FBXO21: variants seen among roughly 807,000 people sequenced by gnomAD.
FBXO21 encodes the protein F-box protein 21.
A neutral mutation model predicts 76.6 loss-of-function variants in FBXO21; 32 were observed. That is an observed-to-expected ratio of 0.42 (90% confidence interval 0.32 to 0.56). The LOEUF is 0.56. Ranked by LOEUF, FBXO21 falls within the 20% of genes least tolerant of loss-of-function variation. FBXO21 has a pLI of 0.16. For missense variants in FBXO21, 586 were observed against 797.3 expected, an observed-to-expected ratio of 0.73 and a Z score of 3.19; for synonymous variants, 328 against 311.5, an observed-to-expected ratio of 1.05 and a Z score of -0.56.
chr12:117,148,906 C>G (rs1180783733), intron 11 of FBXO21, among the ~76,000 whole-genome samples: 1 of 152,198 alleles, frequency 6.6e-6, no homozygotes, highest in Non-Finnish European at 1.5e-5. Context: ...TCTGATCTCT[C>G]TACTGTTGTC....
intron 2 of FBXO21, 99 bp from the exon 3 acceptor site, chr12:117,186,670 G>A: frequency 1.7e-5 from 12 of 719,814 alleles, no homozygotes; most frequent in Non-Finnish European, 2.7e-5. Context: ...CACTACTAAA[G>A]ACAGTGCTAA....
chr12:117,174,228 C>A lies in FBXO21; in HGVS notation c.853G>T (p.Ala285Ser). The A allele has an allele frequency of 6.2e-7, 1 of 1,612,736 alleles. No homozygotes were observed. Among genetic ancestry groups the A allele is most frequent in the Non-Finnish European group, 8.5e-7 (1 of 1,178,726 alleles). ...ACCTGATGCATATATAAGTTGAGGGCATTATAGTAATCCATTCGATTCCCC... is the reference window on the plus strand; with the variant it reads ...ACCTGATGCATATATAAGTTGAGGGAATTATAGTAATCCATTCGATTCCCC... Reference protein sequence around the residue: ...FKGNRMDYYNALNLYMHQVLI... With the variant: ...FKGNRMDYYNSLNLYMHQVLI... The change falls in exon 6 of 12, where the codon GCC becomes TCC. Residue 285 changes from alanine to serine, a missense_variant. Physicochemically the swap from Ala to Ser is moderately conservative, Grantham distance 99 (BLOSUM62 1). This residue lies in a region of FBXO21 where 246 missense variants were observed against 356.8 expected (regional missense o/e 0.69). Transcript: ENST00000622495.
intron 11 of FBXO21, among the ~76,000 whole-genome samples, chr12:117,148,914 G>A (rs1254617802): frequency 6.6e-6 from 1 of 152,174 alleles, no homozygotes; most frequent in Non-Finnish European, 1.5e-5. Context: ...CTCTACTGTT[G>A]TCAGGTCTCT....
chr12:117,174,119 A>G, intron 6 of FBXO21, 86 bp downstream of exon 6: 1 of 1,116,794 alleles, frequency 9.0e-7, no homozygotes, highest in Non-Finnish European at 1.3e-6. Flanking sequence ...CCTGAGCAAC[A>G]GAGCGAGACC....
In FBXO21 at chr12:117,190,431, G is replaced by A. The variant is rs754612531; in HGVS notation, c.26C>T (p.Ala9Val). The change falls in exon 1 of 12, where the codon GCG becomes GTG. Residue 9 changes from alanine to valine, a missense_variant. By Grantham distance (64) the Ala-to-Val change is moderately conservative (BLOSUM62 0). Transcript: ENST00000622495. ...CGCCAGCGCCGGCACCACCTCCATC[G>A]CGCTGTCGACTGCTGCCGCCGCCAT... MAAAAVDSAMEVVPALAEE... is the reference protein window; with the variant it reads MAAAAVDSVMEVVPALAEE... The A allele has an allele frequency of 5.6e-6, 8 of 1,440,962 alleles. No homozygotes were observed. The highest frequency in any genetic ancestry group is 5.2e-5 in the South Asian group (4 of 77,610). 89.3% of individuals were successfully genotyped at this position (1,440,962 alleles called of 1,614,324 possible). A position where few individuals can be genotyped will look rare whatever the true frequency, so the allele number is the denominator to read the frequency against.
At position 117,163,536 on chromosome 12, in the gene FBXO21, G is replaced by C. The variant is rs535020396; in HGVS notation, c.1326+1949C>G. On this transcript the variant is annotated intron_variant, in intron 9 of 11. Coordinates refer to ENST00000622495, the MANE Select transcript of FBXO21 (RefSeq NM_015002.3). Reference sequence around the variant, plus strand: ...CAAGAGAGTGAGACTGTCTCAAAAAGAAAGAAACAAAAGAAAAAAGAAAAA... The same window carrying C: ...CAAGAGAGTGAGACTGTCTCAAAAACAAAGAAACAAAAGAAAAAAGAAAAA... Among the ~76,000 whole-genome samples, 31 of 151,484 alleles carry C rather than the reference G, an allele frequency of 2.0e-4. No homozygotes were observed. The South Asian group carries it at 6.3e-3, about 31-fold the overall frequency.
At chr12:117,153,953 C>T (rs1955879885) in intron 11 of FBXO21, among the ~76,000 whole-genome samples, 1 of 152,202 alleles carries the variant, frequency 6.6e-6, no homozygotes, top group Admixed American at 6.5e-5. Flanking sequence ...GTGAACATAT[C>T]ACAACCCCTA....
At chr12:117,156,127 C>T (rs1310209476) in intron 10 of FBXO21, among the ~76,000 whole-genome samples, 179 bp from the exon 11 acceptor site, 1 of 152,126 alleles carries the variant, frequency 6.6e-6, no homozygotes, top group African/African-American at 2.4e-5. Flanking sequence ...AGCACTTTAT[C>T]TGGAAAAGAA....
intron 11 of FBXO21, among the ~76,000 whole-genome samples, chr12:117,150,211 T>A (rs915800546): frequency 5.3e-5 from 8 of 152,314 alleles, no homozygotes; most frequent in African/African-American, 1.9e-4. Context: ...CTTAATTGAG[T>A]AAAACATGAA....
rs1955747671 is a variant in FBXO21, at chr12:117,144,580, ATGCAGATGGACAGACAGG to A, written c.*1489_*1506del. ...CATTCAACATGGGTGAGAATACTGC[ATGCAGATGGACAGACAGG>A]TGCAGAGACAGGCCCCTAACGCCCC... On this transcript the variant is annotated 3_prime_UTR_variant, in exon 12 of 12. Coordinates refer to ENST00000622495, the MANE Select transcript of FBXO21 (RefSeq NM_015002.3). 6.6e-6 allele frequency: 1 copy of A among 152,274 alleles called. No individual in the cohort carries two copies. The highest frequency in any genetic ancestry group is 2.4e-5 in the African/African-American group (1 of 41,472). 9.4% of individuals were successfully genotyped at this position (152,274 alleles called of 1,614,324 possible). A position where few individuals can be genotyped will look rare whatever the true frequency, so the allele number is the denominator to read the frequency against.
At chr12:117,170,963 A>AT (rs1956111458) in intron 7 of FBXO21, among the ~76,000 whole-genome samples, 1 of 152,194 alleles carries the variant, frequency 6.6e-6, no homozygotes, top group African/African-American at 2.4e-5. Flanking sequence ...CTATCCAAAA[A>AT]TTAAACCATG....
chr12:117,157,768 A>G (rs183728110), intron 10 of FBXO21, 105 bp downstream of exon 10: 1 of 961,084 alleles, frequency 1.0e-6, no homozygotes, highest in East Asian at 2.6e-5. Context: ...TAAGTGATCC[A>G]GTCAGCTCCT....
At chr12:117,162,456 T>C (rs748266709) in intron 9 of FBXO21, among the ~76,000 whole-genome samples, 5 of 152,178 alleles carry the variant, frequency 3.3e-5, no homozygotes, top group Non-Finnish European at 5.9e-5. Context: ...TTATTTCCCA[T>C]ATGGCAAAAA....
At chr12:117,153,632 G>C (rs972571096) in intron 11 of FBXO21, among the ~76,000 whole-genome samples, 1 of 152,184 alleles carries the variant, frequency 6.6e-6, no homozygotes, top group Non-Finnish European at 1.5e-5. Context: ...AGACAGCCAC[G>C]TATCAGGCAT....
intron 6 of FBXO21, among the ~76,000 whole-genome samples, 170 bp from the exon 7 acceptor site, chr12:117,172,777 G>C (rs1322861491): frequency 6.6e-6 from 1 of 152,100 alleles, no homozygotes; most frequent in Non-Finnish European, 1.5e-5. Flanking sequence ...ATGGTCCATG[G>C]CAATTCCAGT....
At chr12:117,177,121 C>A (rs1956184088) in intron 4 of FBXO21, among the ~76,000 whole-genome samples, 1 of 152,182 alleles carries the variant, frequency 6.6e-6, no homozygotes, top group Admixed American at 6.6e-5. Flanking sequence ...AACATTCTGT[C>A]CTCAATAAAC....
chr12:117,188,545 AAAAAAAG>A (rs1199380615), intron 2 of FBXO21, among the ~76,000 whole-genome samples: 1 of 152,040 alleles, frequency 6.6e-6, no homozygotes, highest in Non-Finnish European at 1.5e-5. Context: ...ACTCTGTCTC[AAAAAAAG>A]AAAAAAGAAA....
In FBXO21 at chr12:117,155,792, T is replaced by C. The variant is rs1246676712; in HGVS notation, c.1674A>G (p.Gln558=). 2.5e-6 allele frequency: 4 copies of C among 1,612,788 alleles called. No individual in the cohort carries two copies. The highest frequency in any genetic ancestry group is 3.3e-5 in the Admixed American group (2 of 59,812). Residue 558 remains glutamine, a splice_region_variant and synonymous_variant, in exon 11 of 12, where the codon CAA becomes CAG. Coordinates refer to ENST00000622495, the MANE Select transcript of FBXO21 (RefSeq NM_015002.3). ...VEDGSCRYAA[Q]ENLEYNVEPQ... is the part of the protein sequence containing the mutation. ...GCACAAGCGGAACCCGCCGCTTACCTTGGGCTGCGTATCGACAGGAGCCGT... is the reference window on the plus strand; with the variant it reads ...GCACAAGCGGAACCCGCCGCTTACCCTGGGCTGCGTATCGACAGGAGCCGT...
intron 4 of FBXO21, among the ~76,000 whole-genome samples, chr12:117,175,519 G>A (rs959786880): frequency 1.3e-5 from 2 of 152,206 alleles, no homozygotes; most frequent in South Asian, 4.1e-4. Flanking sequence ...AGAGATCTCA[G>A]ACCAGCTCAG....
Sources: gnomAD v4.1 joint callset for allele counts (sites outside exome capture counted in the v4.1 genomes callset) on GRCh38, gnomAD v4.1.1 for gene constraint, gnomAD v4.1.1 regional missense constraint, MANE v1.5 for transcripts, NCBI Gene and HGNC (gene_info 2026-07-23, HGNC 2026-07-21) for gene names.